The following GALNT13 variants were observed in gnomAD, a reference collection of about 807,000 sequenced individuals.
GALNT13 encodes polypeptide N-acetylgalactosaminyltransferase 13.
In GALNT13, 28 loss-of-function variants were observed where a neutral mutation model predicts 64.2. The observed-to-expected ratio is 0.44, with a 90% confidence interval of 0.32 to 0.60. The LOEUF is 0.60. Among genes scored for constraint, GALNT13 ranks in the 20% least tolerant of loss-of-function variants. The pLI is 0.05. For synonymous variants in GALNT13, 214 were observed against 224.6 expected, an observed-to-expected ratio of 0.95 and a Z score of 0.42; for missense variants, 577 against 669.8, an observed-to-expected ratio of 0.86 and a Z score of 1.53.
chr2:154,041,348 C>T lies in GALNT13; in HGVS notation c.142+96709C>T, dbSNP rs1330026830. Among the ~76,000 whole-genome samples, 3 of 139,980 alleles carry T rather than the reference C, an allele frequency of 2.1e-5. 1 individual carries two copies. Among genetic ancestry groups the T allele is most frequent in the African/African-American group, 7.3e-5 (3 of 40,858 alleles). 91.8% of individuals were successfully genotyped at this position (139,980 alleles called of 152,430 possible). On this transcript the variant is annotated intron_variant, in intron 3 of 12. Coordinates refer to ENST00000392825, the MANE Select transcript of GALNT13 (RefSeq NM_052917.4). ...AATCTTTGATTCTGAGAAATCTGGC[C>T]TTTATTTTTTAGAGAGAGAAAATCT...
the GALNT13 span, among the ~76,000 whole-genome samples, chr2:153,238,225 C>CT: frequency 4.6e-5 from 7 of 152,068 alleles, no homozygotes; most frequent in African/African-American, 1.7e-4. Context: ...TATATTCTGA[C>CT]TATTAATCCT....
the GALNT13 span, among the ~76,000 whole-genome samples, chr2:153,111,177 A>C: frequency 6.6e-6 from 1 of 152,144 alleles, no homozygotes; most frequent in East Asian, 1.9e-4. Flanking sequence ...TTGATTTAAA[A>C]GGATCTATCT....
chr2:153,195,725 C>T, the GALNT13 span, among the ~76,000 whole-genome samples: 1 of 152,240 alleles, frequency 6.6e-6, no homozygotes, highest in Non-Finnish European at 1.5e-5. Flanking sequence ...GTGTGTGTTA[C>T]AGCTCTTTTA....
intron 4 of GALNT13, among the ~76,000 whole-genome samples, chr2:154,203,291 G>A (rs187996373): frequency 6.6e-6 from 1 of 152,178 alleles, no homozygotes; most frequent in Admixed American, 6.5e-5. Context: ...CTCTTTTCAT[G>A]TTTAACATCT....
At chr2:154,419,507 GAAA>G (rs1192519610) in intron 11 of GALNT13, among the ~76,000 whole-genome samples, 1 of 152,000 alleles carries the variant, frequency 6.6e-6, no homozygotes, top group Non-Finnish European at 1.5e-5. Flanking sequence ...AAAAGTGTTA[GAAA>G]AATTGTCAAT....
At chr2:153,233,548 T>C in the GALNT13 span, among the ~76,000 whole-genome samples, 2 of 152,158 alleles carry the variant, frequency 1.3e-5, no homozygotes, top group Admixed American at 1.3e-4. Context: ...TCTATTTATC[T>C]ATCTATTGCA....
intron 9 of GALNT13, among the ~76,000 whole-genome samples, chr2:154,375,755 G>C (rs547859699): frequency 1.3e-5 from 2 of 152,176 alleles, no homozygotes; most frequent in African/African-American, 2.4e-5. Flanking sequence ...CTTAGGAGAG[G>C]GACTGTTTTT....
At chr2:153,939,029 A>G (rs1453984363) in intron 2 of GALNT13, among the ~76,000 whole-genome samples, 2 of 152,180 alleles carry the variant, frequency 1.3e-5, no homozygotes, top group African/African-American at 2.4e-5. Flanking sequence ...ATAGCTTACC[A>G]TTTAAGAAAG....
chr2:153,522,186 T>G, the GALNT13 span, among the ~76,000 whole-genome samples: 1 of 151,848 alleles, frequency 6.6e-6, no homozygotes, highest in Non-Finnish European at 1.5e-5. Context: ...TACAAAAAAT[T>G]AGTCAGGTGT....
the GALNT13 span, among the ~76,000 whole-genome samples, chr2:153,603,063 C>T: frequency 0.3 from 45,434 of 151,548 alleles, 7,236 homozygotes; most frequent in South Asian, 0.43. Flanking sequence ...ACTATTCCAC[C>T]GTATTCCATA....
intron 1 of GALNT13, among the ~76,000 whole-genome samples, chr2:153,893,238 T>TAAGAAAGGGA (rs1687671452): frequency 2.0e-5 from 3 of 152,102 alleles, no homozygotes; most frequent in African/African-American, 4.8e-5. Flanking sequence ...CATGTTTTCT[T>TAAGAAAGGGA]AACTTTTGGA....
intron 9 of GALNT13, among the ~76,000 whole-genome samples, chr2:154,353,786 G>C (rs907766031): frequency 6.6e-6 from 1 of 152,148 alleles, no homozygotes. Flanking sequence ...GTGTAGGATG[G>C]GTATATATAT....
the GALNT13 span, among the ~76,000 whole-genome samples, chr2:153,283,815 A>C: frequency 1.3e-5 from 2 of 151,460 alleles, no homozygotes; most frequent in South Asian, 4.2e-4. Context: ...CCTGGGTGTG[A>C]AGTGGAGAGA....
At chr2:154,313,858 CTCTAG>C (rs1252825794) in intron 9 of GALNT13, among the ~76,000 whole-genome samples, 1 of 149,160 alleles carries the variant, frequency 6.7e-6, no homozygotes, top group Non-Finnish European at 1.5e-5. Context: ...ACATGGATAC[CTCTAG>C]TCTAATCATT....
chr2:153,219,181 T>G, the GALNT13 span, among the ~76,000 whole-genome samples: 1 of 152,246 alleles, frequency 6.6e-6, no homozygotes. Context: ...AATTTAGTCA[T>G]GTTCTCTGAA....
At chr2:153,212,970 C>T in the GALNT13 span, among the ~76,000 whole-genome samples, 1 of 152,184 alleles carries the variant, frequency 6.6e-6, no homozygotes, top group East Asian at 1.9e-4. Flanking sequence ...TTATTCATAG[C>T]AAAGAGTCTT....
At chr2:153,440,474 G>A in the GALNT13 span, among the ~76,000 whole-genome samples, 1 of 152,158 alleles carries the variant, frequency 6.6e-6, no homozygotes, top group East Asian at 1.9e-4. Context: ...CCAGTAATGG[G>A]ATTGCTGGGT....
chr2:154,250,698 A>G (rs767845649), intron 7 of GALNT13, among the ~76,000 whole-genome samples: 20 of 152,242 alleles, frequency 1.3e-4, no homozygotes, highest in Non-Finnish European at 1.9e-4. Flanking sequence ...CAAATATAAG[A>G]CAAAGTTTCT....
chr2:154,031,529 A>G (rs1698338318), intron 3 of GALNT13, among the ~76,000 whole-genome samples: 1 of 152,020 alleles, frequency 6.6e-6, no homozygotes, highest in South Asian at 2.1e-4. Context: ...CTTAATGTGT[A>G]TGGATATATA....
Sources: gnomAD v4.1 joint callset for allele counts (sites outside exome capture counted in the v4.1 genomes callset) on GRCh38, gnomAD v4.1.1 for gene constraint, MANE v1.5 for transcripts, NCBI Gene and HGNC (gene_info 2026-07-23, HGNC 2026-07-21) for gene names.